The following PRKG1 variants were observed in gnomAD, a reference collection of about 807,000 sequenced individuals.
PRKG1 encodes the protein cGMP-dependent protein kinase 1.
In PRKG1, 35 loss-of-function variants were observed where a neutral mutation model predicts 88.1. That is an observed-to-expected ratio of 0.40 (90% CI 0.30 to 0.53). PRKG1 has a LOEUF of 0.53. PRKG1 is among the 20% of genes least tolerant of loss of function. The probability of loss-of-function intolerance (pLI) is 0.59; values close to 1 mark genes in which losing one functional copy is unlikely to be tolerated. For missense variants in PRKG1, 540 were observed against 839.8 expected (o/e 0.64, Z 4.41); for synonymous variants, 303 against 292.5 (o/e 1.04, Z -0.37).
intron 2 of PRKG1, among the ~76,000 whole-genome samples, chr10:51,225,496 A>G (rs955448761): frequency 6.6e-6 from 1 of 152,160 alleles, no homozygotes; most frequent in Non-Finnish European, 1.5e-5. Context: ...TTGTTTGCTG[A>G]TTTGCTTGTT....
intron 9 of PRKG1, among the ~76,000 whole-genome samples, chr10:52,206,199 G>A (rs1307408722): frequency 6.6e-6 from 1 of 152,052 alleles, no homozygotes; most frequent in African/African-American, 2.4e-5. Flanking sequence ...GGTCTATTCT[G>A]CTGTTAATAT....
At chr10:52,265,986 T>C (rs529145507) in intron 10 of PRKG1, among the ~76,000 whole-genome samples, 146 of 152,068 alleles carry the variant, frequency 9.6e-4, no homozygotes, top group Non-Finnish European at 1.8e-3. Flanking sequence ...TTCTTGTTCA[T>C]TTTCCCTTTT....
intron 3 of PRKG1, chr10:51,698,478 G>A (rs1446196595): frequency 1.2e-6 from 2 of 1,614,022 alleles, no homozygotes; most frequent in African/African-American, 1.3e-5. Context: ...CCCTGATGGG[G>A]TGGACCCAGA....
chr10:51,350,657 T>C (rs1034975255), intron 2 of PRKG1, among the ~76,000 whole-genome samples: 3 of 151,078 alleles, frequency 2.0e-5, no homozygotes, highest in African/African-American at 7.2e-5. Context: ...GCAGATGATA[T>C]GATCTTATAT....
intron 5 of PRKG1, among the ~76,000 whole-genome samples, chr10:52,014,800 G>C (rs552040942): frequency 2.6e-5 from 4 of 152,312 alleles, no homozygotes; most frequent in African/African-American, 9.6e-5. Context: ...GGGGCCACAG[G>C]CCCCATGTAA....
chr10:51,052,108 CAAT>C (rs1381263694), intron 1 of PRKG1, among the ~76,000 whole-genome samples: 1 of 152,076 alleles, frequency 6.6e-6, no homozygotes, highest in African/African-American at 2.4e-5. Context: ...AAATAAAAGA[CAAT>C]AAGCACATTT....
chr10:51,351,029 T>A (rs530984076), intron 2 of PRKG1, among the ~76,000 whole-genome samples: 7 of 152,116 alleles, frequency 4.6e-5, no homozygotes, highest in African/African-American at 1.7e-4. Flanking sequence ...GGTTTTCTGT[T>A]CCAGTTTGCT....
chr10:51,898,468 C>G (rs972806393), intron 4 of PRKG1, among the ~76,000 whole-genome samples: 1 of 151,932 alleles, frequency 6.6e-6, no homozygotes. Context: ...CAATTTCTGG[C>G]TCATGAGTTA....
At chr10:52,024,791 C>G (rs561502046) in intron 5 of PRKG1, among the ~76,000 whole-genome samples, 1 of 152,138 alleles carries the variant, frequency 6.6e-6, no homozygotes, top group Admixed American at 6.6e-5. Context: ...AATAAACATA[C>G]GTGTGCATGT....
intron 3 of PRKG1, among the ~76,000 whole-genome samples, chr10:51,765,330 C>T (rs1564637954): frequency 1.3e-5 from 2 of 152,202 alleles, no homozygotes; most frequent in South Asian, 4.1e-4. Context: ...ACAAAACTCC[C>T]TTGATTCAGG....
At chr10:51,809,882 C>T (rs1304595315) in intron 4 of PRKG1, among the ~76,000 whole-genome samples, 1 of 152,172 alleles carries the variant, frequency 6.6e-6, no homozygotes, top group Non-Finnish European at 1.5e-5. Context: ...CCAGACTCAT[C>T]TCACTCTCCA....
intron 3 of PRKG1, among the ~76,000 whole-genome samples, chr10:51,782,447 A>G (rs1838617417): frequency 6.6e-6 from 1 of 152,154 alleles, no homozygotes; most frequent in Non-Finnish European, 1.5e-5. Context: ...CATACGAGGC[A>G]GGTACTTCTA....
intron 9 of PRKG1, among the ~76,000 whole-genome samples, chr10:52,227,443 G>A (rs374158817): frequency 4.6e-5 from 7 of 152,038 alleles, no homozygotes; most frequent in Non-Finnish European, 8.8e-5. Context: ...CCTAAACAAC[G>A]CAATGTAACA....
chr10:51,941,445 T>A (rs1842904464), intron 5 of PRKG1, among the ~76,000 whole-genome samples: 1 of 151,864 alleles, frequency 6.6e-6, no homozygotes, highest in Non-Finnish European at 1.5e-5. Context: ...TATGTTTTTT[T>A]ATTATTTTAT....
At chr10:51,482,699 T>C (rs293313) in intron 3 of PRKG1, among the ~76,000 whole-genome samples, 115,947 of 152,110 alleles carry the variant, frequency 0.76, 44,657 homozygotes, top group East Asian at 0.89. Context: ...GGCAAGGGAG[T>C]ATGGTGGCAG....
intron 3 of PRKG1, among the ~76,000 whole-genome samples, chr10:51,769,787 GGAA>G (rs1476026610): frequency 3.3e-5 from 5 of 151,978 alleles, no homozygotes; most frequent in Non-Finnish European, 7.4e-5. Context: ...GGCCCACATT[GGAA>G]GAAGAATTGT....
chr10:52,004,840 T>C (rs533175418), intron 5 of PRKG1, among the ~76,000 whole-genome samples: 56 of 152,190 alleles, frequency 3.7e-4, no homozygotes, highest in African/African-American at 1.3e-3. Flanking sequence ...GGTGGGAAGA[T>C]TGCTTGAGCC....
At chr10:51,112,431 G>T (rs1382773594) in intron 1 of PRKG1, among the ~76,000 whole-genome samples, 1 of 152,068 alleles carries the variant, frequency 6.6e-6, no homozygotes, top group Non-Finnish European at 1.5e-5. Flanking sequence ...CCTCAAAATA[G>T]ATCCTTCCAC....
intron 5 of PRKG1, among the ~76,000 whole-genome samples, chr10:51,922,219 A>G (rs1057209858): frequency 3.3e-5 from 5 of 151,326 alleles, no homozygotes; most frequent in African/African-American, 4.8e-5. Flanking sequence ...TTTTTTGTTA[A>G]TGTCCATAGG....
Sources: allele counts gnomAD v4.1 joint callset (sites outside exome capture counted in the v4.1 genomes callset), GRCh38; gene constraint gnomAD v4.1.1; transcripts MANE v1.5; gene names NCBI Gene and HGNC (gene_info 2026-07-23, HGNC 2026-07-21).